HECTD4: variants seen among roughly 807,000 people sequenced by gnomAD.
HECTD4 encodes the protein probable E3 ubiquitin-protein ligase HECTD4.
In HECTD4, 114 loss-of-function variants were observed where a neutral mutation model predicts 471.5. The observed-to-expected ratio is 0.24, with a 90% confidence interval of 0.21 to 0.28. The LOEUF (loss-of-function observed/expected upper bound fraction) is 0.28, where lower values mean the gene tolerates loss of function less well. Ranked by LOEUF, HECTD4 falls within the 10% of genes least tolerant of loss-of-function variation. The pLI is 1.00. For missense variants in HECTD4, 3,866 were observed against 5,651.5 expected, an observed-to-expected ratio of 0.68 and a Z score of 10.13; for synonymous variants, 2,012 against 2,256.0, an observed-to-expected ratio of 0.89 and a Z score of 3.07.
chr12:112,262,515 C>CAAAAAAAAAAAAAAAAA lies in HECTD4; in HGVS notation c.2749-1103_2749-1087dup, dbSNP rs758273849. On this transcript the variant is annotated intron_variant, in intron 17 of 75. Transcript: ENST00000682272. ...TGGGCGACAAAGAGAGACTCCATCTCAAAAAAAAAAAAAAAAAAAAAAAAA... is the reference window on the plus strand; with the variant it reads ...TGGGCGACAAAGAGAGACTCCATCTCAAAAAAAAAAAAAAAAAAAAAAAAAAAAAAAAAAAAAAAAAA... 2.0e-4 allele frequency among the ~76,000 whole-genome samples: 4 copies of CAAAAAAAAAAAAAAAAA among 19,762 alleles called. 1 individual carries two copies. The highest frequency in any genetic ancestry group is 5.7e-4 in the African/African-American group (4 of 7,032). The allele number at this position is 19,762 out of a possible 152,430, so 13.0% of individuals were successfully genotyped here.
intron 1 of HECTD4, among the ~76,000 whole-genome samples, chr12:112,329,165 T>C (rs2035799903): frequency 6.6e-6 from 1 of 152,196 alleles, no homozygotes; most frequent in African/African-American, 2.4e-5. Context: ...GTGTAAATCC[T>C]ACCTTTCAAA....
chr12:112,212,248 T>TA (rs2032784947), intron 49 of HECTD4, among the ~76,000 whole-genome samples: 1 of 152,158 alleles, frequency 6.6e-6, no homozygotes, highest in African/African-American at 2.4e-5. Flanking sequence ...GAAAGGTTGC[T>TA]AAAAAAATGT....
chr12:112,205,886 G>A (rs2032566676), intron 52 of HECTD4, among the ~76,000 whole-genome samples: 1 of 152,136 alleles, frequency 6.6e-6, no homozygotes, highest in Admixed American at 6.6e-5. Context: ...GAGCCACCGT[G>A]CCTGGCCAGG....
At chr12:112,374,003 CAAAAA>C (rs1007853408) in intron 1 of HECTD4, among the ~76,000 whole-genome samples, 2 of 60,894 alleles carry the variant, frequency 3.3e-5, no homozygotes, top group South Asian at 5.2e-4. Flanking sequence ...GACTCTGTCT[CAAAAA>C]AAAAAAAAAA....
intron 1 of HECTD4, among the ~76,000 whole-genome samples, chr12:112,347,408 C>A (rs1288624774): frequency 3.9e-5 from 6 of 152,126 alleles, no homozygotes; most frequent in Non-Finnish European, 7.3e-5. Context: ...ACTTGGGAAG[C>A]TGAGGCATAA....
In HECTD4 at chr12:112,185,247, C is replaced by A. The variant is rs1327700840; in HGVS notation, c.9719G>T (p.Gly3240Val). 6.5e-7 allele frequency: 1 copy of A among 1,550,244 alleles called. No individual in the cohort carries two copies. The highest frequency in any genetic ancestry group is 8.7e-7 in the Non-Finnish European group (1 of 1,146,596). ...WVSGGACGGS[G>V]GAAAGDQGRF... ...GCCCTGGTCACCGGCCGCCGCCCCCCCGGAGCCCCCGCAGGCGCCGCCTGA... is the reference window on the plus strand; with the variant it reads ...GCCCTGGTCACCGGCCGCCGCCCCCACGGAGCCCCCGCAGGCGCCGCCTGA... Residue 3240 changes from glycine (G) to valine (V), a missense_variant, in exon 61 of 76, where the codon GGG becomes GTG. This residue lies in a region of HECTD4 where 364 missense variants were observed against 413.2 expected (regional missense o/e 0.88). Transcript: ENST00000682272.
At position 112,184,026 on chromosome 12, in the gene HECTD4, T is replaced by C. The variant is rs2031768542; in HGVS notation, c.10779+161A>G. Among the ~76,000 whole-genome samples the C allele has an allele frequency of 6.6e-6, 1 of 152,206 alleles. No individual in the cohort carries two copies. The stretch of plus-strand genomic sequence containing the variant: ...GGGACTTGGTGTCACTCAGAGACGT[T>C]ACCCCAAGCAGCCTCACTGTGCTCA... On this transcript the variant is annotated intron_variant, in intron 61 of 75. Transcript: ENST00000682272. This position sits in a 1 kb window ranked among gnomAD's most constrained non-coding sequence, Gnocchi z 9.1.
Position 112,192,586 on chromosome 12 carries a change from G to A in HECTD4, c.9266C>T (p.Ser3089Phe). Residue 3089 changes from serine to phenylalanine, a missense_variant, in exon 59 of 76, where the codon TCC becomes TTC. Around this residue, in one of 16 missense-constraint regions of HECTD4, gnomAD observed 364 missense variants for 413.2 expected, o/e 0.88. Transcript: ENST00000682272. ...TADQYPSVVLSTDRVHIKLGV... is the reference protein window; with the variant it reads ...TADQYPSVVLFTDRVHIKLGV... ...CAGTTTGATGTGGACCCTGTCTGTGGAGAGGACCACAGAGGGGTACTGGTC... is the reference window on the plus strand; with the variant it reads ...CAGTTTGATGTGGACCCTGTCTGTGAAGAGGACCACAGAGGGGTACTGGTC... 1 of 1,596,542 alleles carries A rather than the reference G, an allele frequency of 6.3e-7. No homozygotes were observed. The highest frequency in any genetic ancestry group is 8.5e-7 in the Non-Finnish European group (1 of 1,170,008).
chr12:112,369,006 G>A (rs747985992), intron 1 of HECTD4, among the ~76,000 whole-genome samples: 25 of 152,124 alleles, frequency 1.6e-4, no homozygotes, highest in African/African-American at 5.8e-4. Context: ...TTCTCTTCCC[G>A]GTATGTGCAG....
In HECTD4 at chr12:112,243,759, C is replaced by T. The variant is rs1196910536; in HGVS notation, c.4652G>A (p.Arg1551His). The change falls in exon 31 of 76, where the codon CGT (arginine) becomes CAT (histidine). Residue 1551 changes from arginine to histidine, a missense_variant and splice_region_variant. By Grantham distance (29) the Arg-to-His change is conservative. Coordinates refer to ENST00000682272, the MANE Select transcript of HECTD4 (RefSeq NM_001388303.1). This position sits in a 1 kb window ranked among gnomAD's most constrained non-coding sequence, Gnocchi z 6.6. ...GCTGCGGTGGCTGGTCACGTGGCGA[C>T]GCCTACGGGGAACACAGAACAGACT... is the stretch of plus-strand genomic sequence containing the variant. ...DLEFTRANQR[R>H]RHVTSHRSSS... 8 of 1,612,926 alleles carry T rather than the reference C, an allele frequency of 5.0e-6. No individual in the cohort carries two copies. The highest frequency in any genetic ancestry group is 1.1e-5 in the South Asian group (1 of 90,944).
chr12:112,354,103 C>T (rs1026509002), intron 1 of HECTD4, among the ~76,000 whole-genome samples: 7 of 152,012 alleles, frequency 4.6e-5, no homozygotes, highest in Admixed American at 6.6e-5. Flanking sequence ...GATAGGGTCT[C>T]GCTCTGTTGT....
At chr12:112,192,120 A>G (rs1395330512) in intron 59 of HECTD4, among the ~76,000 whole-genome samples, 1 of 152,206 alleles carries the variant, frequency 6.6e-6, no homozygotes, top group African/African-American at 2.4e-5. Flanking sequence ...AGGAGATGAG[A>G]GCAATCGAGC....
chr12:112,163,864 C>A lies in HECTD4; in HGVS notation c.12702-127G>T. ...AGGCCTGGGGCCCAGCCGCCCTGGT[C>A]ATCCCAGTCCTTTCCTGCCTCTGGT... On this transcript the variant is annotated intron_variant, in intron 73 of 75. Coordinates refer to ENST00000682272, the MANE Select transcript of HECTD4 (RefSeq NM_001388303.1). The surrounding 1 kb of genome is among the most constrained non-coding windows in gnomAD (Gnocchi z 8.2). The A allele has an allele frequency of 3.2e-6, 3 of 932,958 alleles. No individual in the cohort carries two copies. In the South Asian group the frequency reaches 6.9e-5, roughly 21 times the overall value. 57.8% of individuals were successfully genotyped at this position (932,958 alleles called of 1,614,324 possible). A position where few individuals can be genotyped will look rare whatever the true frequency, so the allele number is the denominator to read the frequency against.
Position 112,193,002 on chromosome 12 carries a change from C to A in HECTD4, c.9086+59G>T, listed in dbSNP as rs1054298867. ...GAATTTTTTTCCTTGGCCAGTTTCA[C>A]CAGAATTCATTTAGCTTTCCTCTCC... On this transcript the variant is annotated intron_variant, in intron 58 of 75. Transcript: ENST00000682272. The surrounding 1 kb of genome is among the most constrained non-coding windows in gnomAD (Gnocchi z 5.2). 7.5e-5 allele frequency: 119 copies of A among 1,596,860 alleles called. No homozygotes were observed. Among genetic ancestry groups the A allele is most frequent in the Non-Finnish European group, 9.5e-5 (111 of 1,169,034 alleles).
At position 112,193,222 on chromosome 12, in the gene HECTD4, C is replaced by G. The variant is rs754789398; in HGVS notation, c.8956-31G>C. 1.8e-5 allele frequency: 29 copies of G among 1,610,290 alleles called. 1 individual carries two copies. The South Asian group carries it at 3.0e-4, about 17-fold the overall frequency. On this transcript the variant is annotated intron_variant, in intron 57 of 75. Transcript: ENST00000682272. This position sits in a 1 kb window ranked among gnomAD's most constrained non-coding sequence, Gnocchi z 5.2. The stretch of plus-strand genomic sequence containing the variant: ...AAGAGACACTGAATAAGGAAAGCCA[C>G]GGGCTAAACACAGGGACAGCATTTC...
At chr12:112,252,118 A>G (rs2033904246) in intron 23 of HECTD4, among the ~76,000 whole-genome samples, 1 of 152,132 alleles carries the variant, frequency 6.6e-6, no homozygotes, top group African/African-American at 2.4e-5. Context: ...GCTTATTTCT[A>G]TTAAGTTCTA....
At position 112,184,366 on chromosome 12, in the gene HECTD4, C is replaced by T. The variant is rs1398584893; in HGVS notation, c.10600G>A (p.Glu3534Lys). The T allele has an allele frequency of 6.2e-7, 1 of 1,612,118 alleles. No homozygotes were observed. The highest frequency in any genetic ancestry group is 8.5e-7 in the Non-Finnish European group (1 of 1,179,574). Residue 3534 changes from glutamate (E) to lysine (K), a missense_variant, in exon 61 of 76, where the codon GAA (glutamate) becomes AAA (lysine). Glu to Lys is a moderately conservative substitution (Grantham distance 56, BLOSUM62 1). This residue lies in a region of HECTD4 where 192 missense variants were observed against 189.9 expected (regional missense o/e 1.01). Transcript: ENST00000682272. The surrounding 1 kb of genome is among the most constrained non-coding windows in gnomAD (Gnocchi z 9.1). ...CTGCACAGGGAAATGTCCAGGCTTT[C>T]CTGGCTGGACACCGCGTGGGGCTCC... The part of the protein sequence containing the change: ...LLEPHAVSSQ[E>K]SLDISLCSTG...
At chr12:112,376,179 G>A (rs1489959008) in intron 1 of HECTD4, among the ~76,000 whole-genome samples, 1 of 149,540 alleles carries the variant, frequency 6.7e-6, no homozygotes, top group South Asian at 2.1e-4. Context: ...TTTTCTCTTT[G>A]CCTTTTTCCA....
At chr12:112,298,075 T>A (rs2035080103) in intron 7 of HECTD4, among the ~76,000 whole-genome samples, 1 of 152,034 alleles carries the variant, frequency 6.6e-6, no homozygotes, top group Non-Finnish European at 1.5e-5. Context: ...AGTGGCATGA[T>A]GAGGATACAT....
Sources: allele counts gnomAD v4.1 joint callset (sites outside exome capture counted in the v4.1 genomes callset), GRCh38; gene constraint gnomAD v4.1.1; regional missense constraint gnomAD v4.1.1; non-coding constraint Gnocchi (gnomAD v3.1); transcripts MANE v1.5; gene names NCBI Gene and HGNC (gene_info 2026-07-23, HGNC 2026-07-21).